MYLK: variants seen among roughly 807,000 people sequenced by gnomAD.
MYLK encodes myosin light chain kinase, smooth muscle.
In MYLK, 106 loss-of-function variants were observed where a neutral mutation model predicts 203.4. The ratio of observed to expected loss-of-function variants is 0.52; its 90% CI spans 0.45 to 0.61. The LOEUF is 0.61. Ranked by LOEUF, MYLK falls within the 20% of genes least tolerant of loss-of-function variation. The pLI, the probability that MYLK is intolerant of heterozygous loss-of-function variation, is 0.00. For missense variants in MYLK, 2,072 were observed against 2,442.3 expected, an observed-to-expected ratio of 0.85 and a Z score of 3.20; for synonymous variants, 867 against 959.5, an observed-to-expected ratio of 0.90 and a Z score of 1.78.
chr3:123,773,745 C>G (rs1018444138), intron 4 of MYLK, among the ~76,000 whole-genome samples: 15 of 152,204 alleles, frequency 9.9e-5, no homozygotes, highest in African/African-American at 3.6e-4. Flanking sequence ...CTAGCTGGTG[C>G]CCAGCAGGAC....
intron 12 of MYLK, among the ~76,000 whole-genome samples, chr3:123,723,292 A>G (rs1458940556): frequency 6.6e-6 from 1 of 152,218 alleles, no homozygotes; most frequent in East Asian, 1.9e-4. Context: ...TCATGTCTCC[A>G]TGACAGTTTG....
intron 1 of MYLK, among the ~76,000 whole-genome samples, 196 bp downstream of exon 1, chr3:123,884,010 A>T (rs2033699318): frequency 1.3e-5 from 2 of 152,000 alleles, no homozygotes; most frequent in South Asian, 4.1e-4. Flanking sequence ...CCCAAAAGAA[A>T]ACTCGTGCAG....
intron 4 of MYLK, among the ~76,000 whole-genome samples, chr3:123,756,003 T>C (rs529143814): frequency 3.3e-5 from 5 of 152,034 alleles, no homozygotes; most frequent in African/African-American, 4.8e-5. Flanking sequence ...GCACCAACAA[T>C]GTCCACAACA....
rs771545471 is a variant in MYLK at position 123,629,454 on chromosome 3, C to T, written c.5114+20G>A. Reference sequence around the variant, plus strand: ...AGGGCAGGGAGTAGGGAAGCAAAGACTGAAATCCCAACTCATTACTTCATA... The same window carrying T: ...AGGGCAGGGAGTAGGGAAGCAAAGATTGAAATCCCAACTCATTACTTCATA... On this transcript the variant is annotated intron_variant, in intron 30 of 33. Transcript: ENST00000360304. This position sits in a 1 kb window ranked among gnomAD's most constrained non-coding sequence, Gnocchi z 4.4. 6.2e-7 allele frequency: 1 copy of T among 1,614,056 alleles called. No homozygotes were observed. Among genetic ancestry groups the T allele is most frequent in the Non-Finnish European group, 8.5e-7 (1 of 1,179,940 alleles).
chr3:123,862,558 A>G (rs2032011274), intron 2 of MYLK, among the ~76,000 whole-genome samples: 1 of 152,032 alleles, frequency 6.6e-6, no homozygotes, highest in Admixed American at 6.6e-5. Context: ...CCTAAACATG[A>G]TGCTTGCTGA....
At chr3:123,655,962 T>G (rs1223840092) in intron 24 of MYLK, among the ~76,000 whole-genome samples, 1 of 152,230 alleles carries the variant, frequency 6.6e-6, no homozygotes, top group African/African-American at 2.4e-5. Flanking sequence ...CCAGGAACTG[T>G]AAGTCATCTT....
intron 13 of MYLK, among the ~76,000 whole-genome samples, chr3:123,714,928 A>G (rs2061840272): frequency 6.6e-6 from 1 of 152,192 alleles, no homozygotes; most frequent in South Asian, 2.1e-4. Flanking sequence ...AAACGATGCC[A>G]TGTAGACGAA....
chr3:123,673,569 CT>C (rs1459260495), intron 20 of MYLK, among the ~76,000 whole-genome samples: 1 of 152,116 alleles, frequency 6.6e-6, no homozygotes, highest in Admixed American at 6.5e-5. Flanking sequence ...CCTGAGAGCT[CT>C]CATGTGGCAC....
At chr3:123,630,788 T>A (rs1165168605) in intron 29 of MYLK, 1 of 152,186 alleles carries the variant, frequency 6.6e-6, no homozygotes, top group African/African-American at 2.4e-5. Flanking sequence ...TTAAGCCAAA[T>A]AAACTTTATA....
intron 2 of MYLK, among the ~76,000 whole-genome samples, chr3:123,856,573 A>G (rs2031396082): frequency 6.6e-6 from 1 of 152,156 alleles, no homozygotes; most frequent in South Asian, 2.1e-4. Flanking sequence ...TGCATTTTAT[A>G]TACGTTCCTA....
At chr3:123,830,368 G>A (rs2066281335) in intron 3 of MYLK, among the ~76,000 whole-genome samples, 1 of 152,108 alleles carries the variant, frequency 6.6e-6, no homozygotes, top group South Asian at 2.1e-4. Flanking sequence ...CCATATTAGA[G>A]TCCAACCTTA....
Position 123,737,388 on chromosome 3 carries a change from A to G in MYLK, c.744T>C (p.Leu248=). The G allele has an allele frequency of 6.2e-7, 1 of 1,614,072 alleles. No individual in the cohort carries two copies. Among genetic ancestry groups the G allele is most frequent in the Non-Finnish European group, 8.5e-7 (1 of 1,180,018 alleles). The part of the protein sequence containing the change: ...GSGKASMSAE[L]SIQGLDSANR... ...TCCACTGGTCGATACCTTGGATGGA[A>G]AGTTCAGCTGACATCGAGGCCTTCC... The change falls in exon 8 of 34, where the codon CTT becomes CTC. Residue 248 remains leucine (L), a synonymous_variant. Transcript: ENST00000360304.
At chr3:123,752,647 C>T (rs944772637) in intron 4 of MYLK, 109 bp from the exon 5 acceptor site, 46 of 1,064,376 alleles carry the variant, frequency 4.3e-5, no homozygotes, top group African/African-American at 3.9e-4. Context: ...ATCCTCATAA[C>T]GCCCCCATTT....
chr3:123,686,012 G>A (rs771282734), intron 19 of MYLK, among the ~76,000 whole-genome samples: 1 of 152,214 alleles, frequency 6.6e-6, no homozygotes, highest in African/African-American at 2.4e-5. Context: ...CCAGGGATGC[G>A]GAGCCAGCAG....
At chr3:123,614,988 T>G (rs1036107755) in intron 33 of MYLK, among the ~76,000 whole-genome samples, 1 of 151,882 alleles carries the variant, frequency 6.6e-6, no homozygotes, top group Non-Finnish European at 1.5e-5. Context: ...TTAAAAAGTT[T>G]TTTTTTTGTA....
At chr3:123,811,537 T>G (rs2065561177) in intron 3 of MYLK, among the ~76,000 whole-genome samples, 1 of 152,206 alleles carries the variant, frequency 6.6e-6, no homozygotes, top group African/African-American at 2.4e-5. Context: ...AAACCCTTCA[T>G]GCTTGTCTAC....
intron 5 of MYLK, among the ~76,000 whole-genome samples, chr3:123,751,920 C>T (rs1367523739): frequency 5.9e-5 from 9 of 152,072 alleles, no homozygotes; most frequent in African/African-American, 1.7e-4. Context: ...GGGTGAAGGC[C>T]CTGTAGCCTT....
At position 123,733,712 on chromosome 3, in the gene MYLK, A is replaced by G; in HGVS notation, c.1284T>C (p.Asn428=). The change falls in exon 10 of 34, where the codon AAT becomes AAC. Residue 428 remains asparagine (N), a synonymous_variant. Coordinates refer to ENST00000360304, the MANE Select transcript of MYLK (RefSeq NM_053025.4). The part of the protein sequence containing the change: ...SKPQSQEVKE[N]QTVKFRCEVS... ...CTTCACATCTGAACTTGACAGTTTG[A>G]TTTTCCTTGACCTCCTGGCTTTGGG... 1 of 1,614,060 alleles carries G rather than the reference A, an allele frequency of 6.2e-7. No individual in the cohort carries two copies. Among genetic ancestry groups the G allele is most frequent in the East Asian group, 2.2e-5 (1 of 44,880 alleles).
In MYLK at chr3:123,700,991, G is replaced by T; in HGVS notation, c.2477C>A (p.Ala826Asp). 6.2e-7 allele frequency: 1 copy of T among 1,605,462 alleles called. No homozygotes were observed. The highest frequency in any genetic ancestry group is 1.3e-5 in the African/African-American group (1 of 75,004). The change falls in exon 18 of 34, where the codon GCC (alanine) becomes GAC (aspartate). Residue 826 changes from alanine (A) to aspartate (D), a missense_variant. Ala to Asp is a moderately radical substitution (Grantham distance 126). Coordinates refer to ENST00000360304, the MANE Select transcript of MYLK (RefSeq NM_053025.4). ...TCCACCACAGAGGTCCTCGCAGCTG[G>T]CAGGCTCCCTCCCCCTGCAACCAGT... ...ARALPRGREP[A>D]SCEDLCGGGV...
Sources: gnomAD v4.1 joint callset for allele counts (sites outside exome capture counted in the v4.1 genomes callset) on GRCh38, gnomAD v4.1.1 for gene constraint, Gnocchi (gnomAD v3.1) non-coding constraint, MANE v1.5 for transcripts, NCBI Gene and HGNC (gene_info 2026-07-23, HGNC 2026-07-21) for gene names.